CACNG6: variants seen among roughly 807,000 people sequenced by gnomAD.
The protein encoded by CACNG6 is calcium voltage-gated channel auxiliary subunit gamma 6.
Under a neutral mutation model 23.9 loss-of-function variants are expected in CACNG6, and 21 were observed. That is an observed-to-expected ratio of 0.88 (90% confidence interval 0.62 to 1.26). CACNG6 has a LOEUF of 1.26. Among genes scored for constraint, CACNG6 ranks in the 50% most tolerant of loss-of-function variants. The pLI is 0.00. For missense variants in CACNG6, 340 were observed against 352.9 expected (o/e 0.96, Z 0.29); for synonymous variants, 182 against 168.9 (o/e 1.08, Z -0.60).
intron 3 of CACNG6, among the ~76,000 whole-genome samples, chr19:54,010,552 C>T (rs1477529128): frequency 6.6e-6 from 1 of 151,824 alleles, no homozygotes; most frequent in East Asian, 1.9e-4. Flanking sequence ...TAACCATTTC[C>T]CCTTTTTATT....
chr19:53,991,736 C>T lies in CACNG6; in HGVS notation c.-1142C>T, dbSNP rs923352996. On this transcript the variant is annotated 5_prime_UTR_variant, in exon 1 of 4. Transcript: ENST00000252729. ...CAGGAGAGCGAGAGGGGCCCCTGCTCGGGAGTCGGGGGTGGGAGCCCCGAG... is the reference window on the plus strand; with the variant it reads ...CAGGAGAGCGAGAGGGGCCCCTGCTTGGGAGTCGGGGGTGGGAGCCCCGAG... 3.3e-5 allele frequency among the ~76,000 whole-genome samples: 5 copies of T among 149,670 alleles called. No homozygotes were observed. The highest frequency in any genetic ancestry group is 2.0e-4 in the East Asian group (1 of 5,120).
At chr19:54,007,785 A>T (rs2069663748) in intron 3 of CACNG6, among the ~76,000 whole-genome samples, 3 of 151,624 alleles carry the variant, frequency 2.0e-5, no homozygotes, top group African/African-American at 7.3e-5. Flanking sequence ...AGTCCCAGCT[A>T]CTCAGGAGGC....
At chr19:53,998,368 T>C (rs1301558263) in intron 2 of CACNG6, 55 bp downstream of exon 2, 9 of 1,513,930 alleles carry the variant, frequency 5.9e-6, no homozygotes, top group Non-Finnish European at 8.2e-6. Flanking sequence ...CTGAGCGTGC[T>C]GGAGGAGTTC....
intron 3 of CACNG6, among the ~76,000 whole-genome samples, chr19:54,001,250 ACAATCT>A (rs1230410535): frequency 2.7e-5 from 4 of 150,578 alleles, no homozygotes; most frequent in Non-Finnish European, 1.5e-5. Flanking sequence ...GTGCAGTGGC[ACAATCT>A]CAGCTCACTG....
chr19:53,995,234 G>T (rs981509949), intron 1 of CACNG6, among the ~76,000 whole-genome samples: 1 of 152,084 alleles, frequency 6.6e-6, no homozygotes, highest in Non-Finnish European at 1.5e-5. Flanking sequence ...CCATCTCACC[G>T]CATTGTATGG....
At chr19:54,011,689 T>TC (rs146682225) in intron 3 of CACNG6, among the ~76,000 whole-genome samples, 4,147 of 151,120 alleles carry the variant, frequency 0.027, 217 homozygotes, top group African/African-American at 0.097. Flanking sequence ...AAACACCAAC[T>TC]CCCCTTTTTC....
In CACNG6 at chr19:53,992,886, G is replaced by A; in HGVS notation, c.9G>A (p.Trp3Ter). 7.1e-7 allele frequency: 1 copy of A among 1,404,474 alleles called. No homozygotes were observed. The highest frequency in any genetic ancestry group is 9.2e-7 in the Non-Finnish European group (1 of 1,081,314). 87.0% of individuals were successfully genotyped at this position (1,404,474 alleles called of 1,614,324 possible). A position where few individuals can be genotyped will look rare whatever the true frequency, so the allele number is the denominator to read the frequency against. ...ACCCCACCGGCCATAAGATGATGTG[G>A]TCCAACTTCTTCCTGCAAGAGGAGA... is the stretch of plus-strand genomic sequence containing the variant. MM[W>*]SNFFLQEENR... Residue 3 changes from tryptophan to a stop codon, truncating the protein, a stop_gained, in exon 1 of 4, where the codon TGG becomes TGA. Coordinates refer to ENST00000252729, the MANE Select transcript of CACNG6 (RefSeq NM_145814.2). LOFTEE classifies it high-confidence loss of function. The surrounding 1 kb of genome is among the most constrained non-coding windows in gnomAD (Gnocchi z 4.1).
intron 3 of CACNG6, among the ~76,000 whole-genome samples, chr19:54,007,910 G>GA (rs5828566): frequency 5.9e-4 from 82 of 138,542 alleles, no homozygotes; most frequent in Middle Eastern, 3.7e-3. Flanking sequence ...AAAGAGAAAA[G>GA]AAAAAAAAAA....
chr19:53,997,557 C>A (rs961020263), intron 1 of CACNG6, among the ~76,000 whole-genome samples: 1 of 152,034 alleles, frequency 6.6e-6, no homozygotes, highest in East Asian at 1.9e-4. Flanking sequence ...CACGGTGTTT[C>A]CTCTTATCTT....
At chr19:54,009,189 G>A (rs1275629849) in intron 3 of CACNG6, among the ~76,000 whole-genome samples, 5 of 152,154 alleles carry the variant, frequency 3.3e-5, no homozygotes, top group Admixed American at 6.5e-5. Flanking sequence ...TTGGGAGGCC[G>A]AGGCAGGTGG....
rs779851847 is a variant in CACNG6 at position 53,998,329 on chromosome 19, C to G, written c.406+16C>G. 28 of 1,611,072 alleles carry G rather than the reference C, an allele frequency of 1.7e-5. No individual in the cohort carries two copies. Among genetic ancestry groups the G allele is most frequent in the Non-Finnish European group, 2.3e-5 (27 of 1,177,430 alleles). ...ACAAAGAAAGGTGAGAACTTTTCAC[C>G]CCCTGCTGGGTGACAGGTGGGGGAA... is the stretch of plus-strand genomic sequence containing the variant. On this transcript the variant is annotated intron_variant, in intron 2 of 3. Transcript: ENST00000252729.
At position 53,993,145 on chromosome 19, in the gene CACNG6, CGGCTGT is replaced by C; in HGVS notation, c.272_277del (p.Leu91_Trp92del). ...GGGGCTGTGGAAGGCGTGCACCAAG[CGGCTGT>C]GGCAGGCGGACGTGCCCGTGGACAG... On this transcript the variant is annotated inframe_deletion, in exon 1 of 4. Coordinates refer to ENST00000252729, the MANE Select transcript of CACNG6 (RefSeq NM_145814.2). 1.3e-6 allele frequency: 2 copies of C among 1,547,812 alleles called. No homozygotes were observed. Among genetic ancestry groups the C allele is most frequent in the Non-Finnish European group, 1.7e-6 (2 of 1,146,134 alleles).
intron 3 of CACNG6, among the ~76,000 whole-genome samples, chr19:54,009,277 C>T (rs1304824299): frequency 6.6e-6 from 1 of 151,966 alleles, no homozygotes; most frequent in African/African-American, 2.4e-5. Context: ...AAAAATTAGC[C>T]AGGCGTGGTG....
intron 2 of CACNG6, 140 bp downstream of exon 2, chr19:53,998,453 G>A: frequency 1.5e-6 from 1 of 653,942 alleles, no homozygotes; most frequent in Non-Finnish European, 2.6e-6. Context: ...GTCCCCTGGG[G>A]AGTGCTGGCG....
intron 1 of CACNG6, among the ~76,000 whole-genome samples, chr19:53,997,058 C>A (rs902368318): frequency 1.3e-5 from 2 of 151,148 alleles, no homozygotes; most frequent in African/African-American, 2.4e-5. Context: ...TTGGTACAGA[C>A]GGGGTTTCAC....
In CACNG6 at chr19:53,991,699, G is replaced by C. The variant is rs2069461405; in HGVS notation, c.-1179G>C. On this transcript the variant is annotated 5_prime_UTR_variant, in exon 1 of 4. Coordinates refer to ENST00000252729, the MANE Select transcript of CACNG6 (RefSeq NM_145814.2). ...GAGGCAGCGCGGAGCTGGGGTCGGC[G>C]CGGGGCCGAGGCAGGAGAGCGAGAG... 6.6e-6 allele frequency among the ~76,000 whole-genome samples: 1 copy of C among 152,062 alleles called. No individual in the cohort carries two copies. The highest frequency in any genetic ancestry group is 2.1e-4 in the South Asian group (1 of 4,836).
At chr19:53,998,859 C>A (rs1568813255) in intron 2 of CACNG6, among the ~76,000 whole-genome samples, 1 of 151,830 alleles carries the variant, frequency 6.6e-6, no homozygotes, top group South Asian at 2.1e-4. Context: ...TTCTGTGTCA[C>A]CCCGGGCAAG....
chr19:53,992,723 G>A lies in CACNG6; in HGVS notation c.-155G>A, dbSNP rs559940241. 18 of 435,172 alleles carry A rather than the reference G, an allele frequency of 4.1e-5. No homozygotes were observed. The highest frequency in any genetic ancestry group is 3.6e-4 in the African/African-American group (18 of 49,466). The allele number at this position is 435,172 out of a possible 1,614,324, so 27.0% of individuals were successfully genotyped here. A position where few individuals can be genotyped will look rare whatever the true frequency, so the allele number is the denominator to read the frequency against. ...AGAAGCAATCTCGACTTTCGCATTT[G>A]AGATTCCAGACAGGACTCGGCTCTC... On this transcript the variant is annotated 5_prime_UTR_variant, in exon 1 of 4. Coordinates refer to ENST00000252729, the MANE Select transcript of CACNG6 (RefSeq NM_145814.2). The surrounding 1 kb of genome is among the most constrained non-coding windows in gnomAD (Gnocchi z 4.1).
upstream of CACNG6, among the ~76,000 whole-genome samples, chr19:53,991,473 C>T (rs1043366822): frequency 1.1e-4 from 16 of 152,126 alleles, no homozygotes; most frequent in Non-Finnish European, 2.1e-4. Flanking sequence ...GGCCTCCCTC[C>T]CCCCTTCCTC....
Sources: allele counts gnomAD v4.1 joint callset (sites outside exome capture counted in the v4.1 genomes callset), GRCh38; gene constraint gnomAD v4.1.1; non-coding constraint Gnocchi (gnomAD v3.1); transcripts MANE v1.5; gene names NCBI Gene and HGNC (gene_info 2026-07-23, HGNC 2026-07-21).